BTBD7: variants seen among roughly 807,000 people sequenced by gnomAD.
BTBD7 encodes the protein BTB domain containing 7, also known as BTB/POZ domain-containing protein 7.
A neutral mutation model predicts 99.9 loss-of-function variants in BTBD7; 38 were observed. The ratio of observed to expected loss-of-function variants is 0.38; its 90% CI spans 0.29 to 0.50. The LOEUF is 0.50. Among genes scored for constraint, BTBD7 ranks in the 20% least tolerant of loss-of-function variants. BTBD7 has a pLI of 0.93. For missense variants in BTBD7, 1,170 were observed against 1,394.6 expected, an observed-to-expected ratio of 0.84 and a Z score of 2.57; for synonymous variants, 520 against 511.4, an observed-to-expected ratio of 1.02 and a Z score of -0.23.
At chr14:93,246,571 G>T (rs1187350769) in intron 9 of BTBD7, among the ~76,000 whole-genome samples, 2 of 152,198 alleles carry the variant, frequency 1.3e-5, no homozygotes, top group Admixed American at 1.3e-4. Context: ...GCAAAAACTG[G>T]TAATAAAACC....
intron 1 of BTBD7, among the ~76,000 whole-genome samples, chr14:93,324,428 A>AAAATAAAAAAAAAAAAT (rs371147922): frequency 2.6e-5 from 4 of 151,296 alleles, no homozygotes; most frequent in African/African-American, 4.9e-5. Context: ...TCTCAAAAAA[A>AAAATAAAAAAAAAAAAT]AAAAAAAGAG....
intron 1 of BTBD7, among the ~76,000 whole-genome samples, chr14:93,318,403 T>C (rs2053232057): frequency 6.6e-6 from 1 of 152,238 alleles, no homozygotes; most frequent in East Asian, 1.9e-4. Context: ...ATGTCAGCTT[T>C]AAAATAATGT....
At chr14:93,250,782 C>T (rs559648409) in intron 8 of BTBD7, among the ~76,000 whole-genome samples, 1 of 152,222 alleles carries the variant, frequency 6.6e-6, no homozygotes, top group South Asian at 2.1e-4. Context: ...CCCCTAAAGT[C>T]GTAAGACATA....
intron 8 of BTBD7, among the ~76,000 whole-genome samples, chr14:93,249,142 G>A (rs1195898760): frequency 6.6e-6 from 1 of 151,930 alleles, no homozygotes; most frequent in Non-Finnish European, 1.5e-5. Flanking sequence ...AATGTTCCTG[G>A]AGAGAAATAT....
In BTBD7 at chr14:93,242,337, G is replaced by C; in HGVS notation, c.3335C>G (p.Ser1112Ter). 3 of 1,614,160 alleles carry C rather than the reference G, an allele frequency of 1.9e-6. No individual in the cohort carries two copies. Among genetic ancestry groups the C allele is most frequent in the Non-Finnish European group, 2.5e-6 (3 of 1,180,028 alleles). ...TGGTGACCTCCTTCCTCTGCTTATT[G>C]AATCTTCCCTTTCCAAATCTGTATT... ...QRNTDLERED[S>*]ISRGRRSPSK... Residue 1112 changes from serine to a stop codon, truncating the protein, a stop_gained, in exon 11 of 11, where the codon TCA (serine) becomes TGA (stop). Transcript: ENST00000334746. LOFTEE classifies it high-confidence loss of function.
intron 3 of BTBD7, among the ~76,000 whole-genome samples, chr14:93,292,288 A>G (rs2052866445): frequency 6.6e-6 from 1 of 152,196 alleles, no homozygotes; most frequent in African/African-American, 2.4e-5. Flanking sequence ...AAATATTTTG[A>G]GAAAATATAG....
chr14:93,248,697 C>A, intron 8 of BTBD7, 43 bp from the exon 9 acceptor site: 3 of 1,519,426 alleles, frequency 2.0e-6, no homozygotes, highest in Admixed American at 4.3e-5. Flanking sequence ...TCCTGAGCTA[C>A]ACAAAAGACG....
rs10695970 is a variant in BTBD7, at chr14:93,320,745, C to CT, written c.-107+12074dup. Among the ~76,000 whole-genome samples the CT allele has an allele frequency of 2.9e-4, 43 of 149,112 alleles. No individual in the cohort carries two copies. In the South Asian group the frequency reaches 5.3e-3, roughly 18 times the overall value. On this transcript the variant is annotated intron_variant, in intron 1 of 10. Transcript: ENST00000334746. Reference sequence around the variant, plus strand: ...GTGACTACTGGACACAGATAAACCACTTTTTTTTTTGAGGTAACAGTCAAG... The same window carrying CT: ...GTGACTACTGGACACAGATAAACCACTTTTTTTTTTTGAGGTAACAGTCAAG...
At position 93,257,164 on chromosome 14, in the gene BTBD7, A is replaced by T. The variant is rs536615287; in HGVS notation, c.1608+31T>A. On this transcript the variant is annotated intron_variant, in intron 6 of 10. Transcript: ENST00000334746. Reference sequence around the variant, plus strand: ...ACATACACCTGGCATTTTTCTTTTCATGAAAGGAATACATGGAGAAAAACA... The same window carrying T: ...ACATACACCTGGCATTTTTCTTTTCTTGAAAGGAATACATGGAGAAAAACA... 9 of 1,596,008 alleles carry T rather than the reference A, an allele frequency of 5.6e-6. No homozygotes were observed. The South Asian group carries it at 1.0e-4, about 18-fold the overall frequency.
intron 1 of BTBD7, among the ~76,000 whole-genome samples, chr14:93,313,750 T>C (rs1681815794): frequency 6.6e-6 from 1 of 151,510 alleles, no homozygotes; most frequent in South Asian, 2.1e-4. Context: ...TTATTTTAAT[T>C]TGAGAAAGGG....
rs56893984 is a variant in BTBD7 at position 93,249,266 on chromosome 14, C to CAAAAAAAAAA, written c.1943-622_1943-613dup. ...GAAGAATGAAAGGAAACCAGATAGG[C>CAAAAAAAAAA]AAAAAAAAAAAAAAAAAAAAAAAAA... On this transcript the variant is annotated intron_variant, in intron 8 of 10. Transcript: ENST00000334746. 1.5e-3 allele frequency among the ~76,000 whole-genome samples: 39 copies of CAAAAAAAAAA among 25,956 alleles called. 6 individuals are homozygous for CAAAAAAAAAA. The highest frequency in any genetic ancestry group is 4.0e-3 in the African/African-American group (30 of 7,484). 17.0% of individuals were successfully genotyped at this position (25,956 alleles called of 152,430 possible).
chr14:93,325,106 ATTTTTTTTT>A (rs34523849), intron 1 of BTBD7, among the ~76,000 whole-genome samples: 3 of 105,574 alleles, frequency 2.8e-5, no homozygotes, highest in African/African-American at 7.6e-5. Context: ...GCATGCTCCA[ATTTTTTTTT>A]TTTTTTTTTT....
Position 93,252,523 on chromosome 14 carries a change from G to T in BTBD7, c.1753-871C>A, listed in dbSNP as rs77087282. ...AACAGCACACCACCACGCCTGGCTA[G>T]TTTTTTTTTTTTTTAATTTATCTTT... On this transcript the variant is annotated intron_variant, in intron 7 of 10. Coordinates refer to ENST00000334746, the MANE Select transcript of BTBD7 (RefSeq NM_001002860.4). Among the ~76,000 whole-genome samples, 2 of 142,468 alleles carry T rather than the reference G, an allele frequency of 1.4e-5. 1 individual carries two copies. Among genetic ancestry groups the T allele is most frequent in the South Asian group, 4.5e-4 (2 of 4,406 alleles). 93.5% of individuals were successfully genotyped at this position (142,468 alleles called of 152,430 possible). A position where few individuals can be genotyped will look rare whatever the true frequency, so the allele number is the denominator to read the frequency against.
In BTBD7 at chr14:93,261,693, G is replaced by A. The variant is rs2052490972; in HGVS notation, c.1372-16C>T. On this transcript the variant is annotated splice_polypyrimidine_tract_variant and intron_variant, in intron 4 of 10. Transcript: ENST00000334746. ...GTTCACTTGCCTATAATAAAAAATG[G>A]TTTATATTTATTTTAGTGAAATTAG... The A allele has an allele frequency of 6.4e-7, 1 of 1,570,410 alleles. No homozygotes were observed. The highest frequency in any genetic ancestry group is 2.3e-5 in the East Asian group (1 of 44,436).
intron 1 of BTBD7, among the ~76,000 whole-genome samples, chr14:93,327,837 G>A (rs1219305664): frequency 6.6e-6 from 1 of 152,084 alleles, no homozygotes; most frequent in Non-Finnish European, 1.5e-5. Context: ...TAAATTAACT[G>A]TTTGCAAATG....
chr14:93,282,798 T>G (rs1304614627), intron 3 of BTBD7, among the ~76,000 whole-genome samples: 3 of 152,176 alleles, frequency 2.0e-5, no homozygotes, highest in Admixed American at 6.5e-5. Flanking sequence ...CACCTGTATC[T>G]TAGACTCCAT....
At chr14:93,299,373 C>A (rs973001980) in intron 1 of BTBD7, among the ~76,000 whole-genome samples, 3 of 152,204 alleles carry the variant, frequency 2.0e-5, no homozygotes, top group African/African-American at 7.2e-5. Context: ...GAACTAGTCT[C>A]AGTTTAATCT....
chr14:93,268,414 T>C (rs2052564851), intron 3 of BTBD7, among the ~76,000 whole-genome samples: 1 of 152,196 alleles, frequency 6.6e-6, no homozygotes, highest in South Asian at 2.1e-4. Flanking sequence ...AAAAGCCCCA[T>C]CTTATCTGAT....
intron 2 of BTBD7, among the ~76,000 whole-genome samples, chr14:93,295,286 A>AT (rs896816068): frequency 6.6e-6 from 1 of 151,436 alleles, no homozygotes; most frequent in African/African-American, 2.4e-5. Context: ...AATTAAAAAA[A>AT]TTTTTTTTTC....
Sources: allele counts gnomAD v4.1 joint callset (sites outside exome capture counted in the v4.1 genomes callset), GRCh38; gene constraint gnomAD v4.1.1; transcripts MANE v1.5; gene names NCBI Gene and HGNC (gene_info 2026-07-23, HGNC 2026-07-21).